Variants in ADGRL3 observed in about 807,000 individuals in gnomAD.
ADGRL3 encodes adhesion G protein-coupled receptor L3, also known as calcium-independent alpha-latrotoxin receptor 3.
In ADGRL3, 62 loss-of-function variants were observed where a neutral mutation model predicts 153.5. The observed-to-expected ratio is 0.40, with a 90% confidence interval of 0.33 to 0.50. The LOEUF (loss-of-function observed/expected upper bound fraction) is 0.50. Ranked by LOEUF, ADGRL3 falls within the 20% of genes least tolerant of loss-of-function variation. The pLI, the probability that ADGRL3 is intolerant of heterozygous loss-of-function variation, is 0.47. For synonymous variants in ADGRL3, 710 were observed against 672.5 expected (o/e 1.06, Z -0.86); for missense variants, 1,641 against 1,859.4 (o/e 0.88, Z 2.16).
At chr4:61,439,019 G>A (rs140533768) in intron 2 of ADGRL3, among the ~76,000 whole-genome samples, 1 of 151,848 alleles carries the variant, frequency 6.6e-6, no homozygotes. Flanking sequence ...TATGTTACTT[G>A]TACTCACTGG....
chr4:61,409,256 T>TTA (rs201419553), intron 2 of ADGRL3, among the ~76,000 whole-genome samples: 70 of 127,890 alleles, frequency 5.5e-4, no homozygotes, highest in African/African-American at 2.1e-3. Context: ...ATAATATATA[T>TTA]TATATATTAG....
Position 61,863,191 on chromosome 4 carries a change from C to T in ADGRL3, c.1481-29465C>T, listed in dbSNP as rs190048062. Among the ~76,000 whole-genome samples the T allele has an allele frequency of 7.1e-4, 105 of 147,664 alleles. No individual in the cohort carries two copies. In the Middle Eastern group the frequency reaches 0.011, roughly 15 times the overall value. ...CTAACATAGATCGACACATTATTGA[C>T]AAGGAAACGTGCTTGTGTACATCAT... is the stretch of plus-strand genomic sequence containing the variant. On this transcript the variant is annotated intron_variant, in intron 9 of 26. Transcript: ENST00000683033.
intron 1 of ADGRL3, among the ~76,000 whole-genome samples, chr4:61,341,859 C>T (rs996654216): frequency 6.6e-6 from 1 of 151,950 alleles, no homozygotes; most frequent in Non-Finnish European, 1.5e-5. Context: ...GTGGAGAATA[C>T]ATTTGTAAAA....
At chr4:61,946,320 A>G (rs2098923833) in intron 15 of ADGRL3, among the ~76,000 whole-genome samples, 1 of 152,088 alleles carries the variant, frequency 6.6e-6, no homozygotes, top group African/African-American at 2.4e-5. Flanking sequence ...TACTAATGAT[A>G]CTGATCATTT....
At chr4:61,929,337 A>C (rs982643750) in intron 13 of ADGRL3, among the ~76,000 whole-genome samples, 1 of 152,088 alleles carries the variant, frequency 6.6e-6, no homozygotes, top group African/African-American at 2.4e-5. Context: ...GTGAGCAATA[A>C]ATTTCTGTGG....
At position 61,497,409 on chromosome 4, in the gene ADGRL3, C is replaced by A. The variant is rs530572768; in HGVS notation, c.55+61C>A. On this transcript the variant is annotated intron_variant, in intron 3 of 26. Coordinates refer to ENST00000683033, the MANE Select transcript of ADGRL3 (RefSeq NM_001387552.1). ...TTGTCTCACTTATTCATACTGGACA[C>A]TTCCTTGGGATCTTTTCTCTGAGAC... 9.4e-5 allele frequency: 98 copies of A among 1,045,568 alleles called. No individual in the cohort carries two copies. In the African/African-American group the frequency reaches 1.6e-3, roughly 17 times the overall value. 64.8% of individuals were successfully genotyped at this position (1,045,568 alleles called of 1,614,324 possible).
At chr4:61,287,364 A>G (rs940660402) in intron 1 of ADGRL3, among the ~76,000 whole-genome samples, 1 of 151,976 alleles carries the variant, frequency 6.6e-6, no homozygotes, top group Non-Finnish European at 1.5e-5. Context: ...GTTCTAACAT[A>G]TCGACATTTC....
At position 61,732,976 on chromosome 4, in the gene ADGRL3, T is replaced by C. The variant is rs777717931; in HGVS notation, c.821T>C (p.Val274Ala). Residue 274 changes from valine (V) to alanine (A), a missense_variant, in exon 8 of 27, where the codon GTG becomes GCG. Around this residue, in one of 5 missense-constraint regions of ADGRL3, gnomAD observed 213 missense variants for 362.1 expected, o/e 0.59. Coordinates refer to ENST00000683033, the MANE Select transcript of ADGRL3 (RefSeq NM_001387552.1). The stretch of plus-strand genomic sequence containing the variant: ...ACAACCTACAAGCTCCCTCACAGGG[T>C]GGATGGCACAGGATTTGTAGTGTAT... ...PTTTYKLPHR[V>A]DGTGFVVYDG... 12 of 1,613,522 alleles carry C rather than the reference T, an allele frequency of 7.4e-6. No homozygotes were observed. The South Asian group carries it at 1.3e-4, about 18-fold the overall frequency.
intron 2 of ADGRL3, among the ~76,000 whole-genome samples, chr4:61,423,188 C>A (rs571468901): frequency 1.3e-5 from 2 of 152,256 alleles, no homozygotes; most frequent in Middle Eastern, 3.4e-3. Context: ...TATTTTTGTA[C>A]AGCAAGATGA....
chr4:61,671,606 T>C (rs1023086100), intron 5 of ADGRL3, among the ~76,000 whole-genome samples: 1 of 152,222 alleles, frequency 6.6e-6, no homozygotes, highest in East Asian at 1.9e-4. Context: ...CTGAAATTTC[T>C]CTTTCCAATT....
chr4:61,745,056 T>C (rs183869392), intron 8 of ADGRL3, among the ~76,000 whole-genome samples: 81 of 152,172 alleles, frequency 5.3e-4, no homozygotes, highest in Non-Finnish European at 9.3e-4. Flanking sequence ...ACTCGAGAAC[T>C]ATGTGAAGAA....
intron 2 of ADGRL3, among the ~76,000 whole-genome samples, chr4:61,444,720 T>C (rs748415753): frequency 3.3e-5 from 5 of 152,110 alleles, no homozygotes; most frequent in Non-Finnish European, 7.4e-5. Flanking sequence ...TCTTTCAGGT[T>C]AAATACAAGA....
At chr4:61,287,670 A>T (rs1482195888) in intron 1 of ADGRL3, among the ~76,000 whole-genome samples, 1 of 151,924 alleles carries the variant, frequency 6.6e-6, no homozygotes, top group African/African-American at 2.4e-5. Flanking sequence ...TGTGTTTTAT[A>T]AAAGTCCCAG....
At chr4:61,672,649 G>C (rs2095046996) in intron 5 of ADGRL3, among the ~76,000 whole-genome samples, 1 of 151,972 alleles carries the variant, frequency 6.6e-6, no homozygotes, top group Admixed American at 6.6e-5. Context: ...CTGTTAGAAG[G>C]GTTATGTTCA....
intron 5 of ADGRL3, among the ~76,000 whole-genome samples, chr4:61,613,347 A>C (rs2091612117): frequency 6.6e-6 from 1 of 152,164 alleles, no homozygotes; most frequent in Non-Finnish European, 1.5e-5. Flanking sequence ...ATCATCTTTT[A>C]TATTTGACAT....
intron 5 of ADGRL3, among the ~76,000 whole-genome samples, chr4:61,621,220 G>A (rs948010208): frequency 6.6e-6 from 1 of 151,488 alleles, no homozygotes; most frequent in Non-Finnish European, 1.5e-5. Context: ...TTTTTTATCT[G>A]TATCCTGTCT....
At chr4:61,214,312 T>G (rs1741596936) in intron 1 of ADGRL3, among the ~76,000 whole-genome samples, 2 of 152,212 alleles carry the variant, frequency 1.3e-5, no homozygotes, top group African/African-American at 2.4e-5. Flanking sequence ...GTGTCTAATA[T>G]TTCCATAAAT....
chr4:61,644,324 C>T (rs373822993), intron 5 of ADGRL3, among the ~76,000 whole-genome samples: 2 of 150,054 alleles, frequency 1.3e-5, no homozygotes, highest in African/African-American at 4.9e-5. Flanking sequence ...TTTCTTGCCT[C>T]CTGCTAGCTT....
intron 24 of ADGRL3, among the ~76,000 whole-genome samples, chr4:62,039,925 A>T (rs181622140): frequency 4.5e-4 from 69 of 152,286 alleles, no homozygotes; most frequent in Admixed American, 4.3e-3. Context: ...AATAATATTT[A>T]GGAGTCTCAT....
Sources: gnomAD v4.1 joint callset for allele counts (sites outside exome capture counted in the v4.1 genomes callset) on GRCh38, gnomAD v4.1.1 for gene constraint, gnomAD v4.1.1 regional missense constraint, MANE v1.5 for transcripts, NCBI Gene and HGNC (gene_info 2026-07-23, HGNC 2026-07-21) for gene names.